TMEM223: variants seen among roughly 807,000 people sequenced by gnomAD.
TMEM223 encodes transmembrane protein 223.
A neutral mutation model predicts 14.1 loss-of-function variants in TMEM223; 14 were observed. The ratio of observed to expected loss-of-function variants is 0.99; its 90% CI spans 0.66 to 1.55. TMEM223 has a LOEUF of 1.55. Among genes scored for constraint, TMEM223 ranks in the 40% most tolerant of loss-of-function variants. The pLI, the probability that TMEM223 is intolerant of heterozygous loss-of-function variation, is 0.00. For synonymous variants in TMEM223, 145 were observed against 120.5 expected (o/e 1.20, Z -1.33); for missense variants, 346 against 269.9 (o/e 1.28, Z -1.97).
chr11:62,784,507 C>A (rs1334216520), downstream of TMEM223, among the ~76,000 whole-genome samples: 3 of 147,228 alleles, frequency 2.0e-5, no homozygotes, highest in East Asian at 2.1e-4. Context: ...AGCGTTTCAC[C>A]GTGTTAGCCA....
chr11:62,778,100 C>T (rs1324535305), intron 1 of TMEM223: 2 of 1,614,168 alleles, frequency 1.2e-6, no homozygotes, highest in Admixed American at 3.3e-5. Context: ...CCAACATCCC[C>T]AAAGGCTGTG....
chr11:62,789,197 G>A (rs750132097), downstream of TMEM223: 7 of 1,614,148 alleles, frequency 4.3e-6, no homozygotes, highest in South Asian at 4.4e-5. Flanking sequence ...CAGCTGCATC[G>A]AGGACTCCCA....
chr11:62,773,631 G>C (rs556920623), intron 2 of TMEM223, among the ~76,000 whole-genome samples: 7 of 151,948 alleles, frequency 4.6e-5, no homozygotes, highest in Non-Finnish European at 7.4e-5. Flanking sequence ...ATTTGTAGTA[G>C]AGATGGGGGT....
Position 62,791,883 on chromosome 11 carries a change from C to CCTTT in TMEM223, c.111_112insAAAG (p.Glu38LysfsTer4). ...GTGAAGAAGCGGCCCCGATCATGCT[C>CCTTT]AAAGAGCAGCACATCCCGTTGCAGC... On this transcript the variant is annotated frameshift_variant, in exon 1 of 2. Transcript: ENST00000307366. LOFTEE classifies it high-confidence loss of function. 6.3e-7 allele frequency: 1 copy of CCTTT among 1,597,684 alleles called. No homozygotes were observed. Among genetic ancestry groups the CCTTT allele is most frequent in the African/African-American group, 1.3e-5 (1 of 74,792 alleles).
At chr11:62,771,817 A>G (rs991640725) in exon 3 of TMEM223, 6 of 287,510 alleles carry the variant, frequency 2.1e-5, no homozygotes, top group Middle Eastern at 1.3e-3. Context: ...GTGTACGGTC[A>G]TATAATAGGG....
downstream of TMEM223, chr11:62,787,366 G>C (rs1220950530): frequency 2.0e-6 from 3 of 1,537,514 alleles, no homozygotes; most frequent in East Asian, 7.0e-5. Context: ...TTCGTGGGTC[G>C]CGCCGGATAA....
At chr11:62,788,057 A>G (rs867740407), downstream of TMEM223, 2 of 452,600 alleles carry the variant, frequency 4.4e-6, no homozygotes, top group Middle Eastern at 6.5e-4. Flanking sequence ...ACATGGGTTC[A>G]TTTAATGCCT....
chr11:62,780,824 C>T (rs1395478837), intron 1 of TMEM223, among the ~76,000 whole-genome samples: 1 of 150,674 alleles, frequency 6.6e-6, no homozygotes, highest in Non-Finnish European at 1.5e-5. Flanking sequence ...GTAATCCTAG[C>T]TACTTGCGAG....
At chr11:62,779,675 A>T (rs2084212966) in intron 1 of TMEM223, among the ~76,000 whole-genome samples, 1 of 149,716 alleles carries the variant, frequency 6.7e-6, no homozygotes. Flanking sequence ...TTAAAAAAAC[A>T]TTTTTTTTAA....
downstream of TMEM223, chr11:62,787,375 A>G (rs1470458981): frequency 2.6e-6 from 4 of 1,548,324 alleles, no homozygotes; most frequent in African/African-American, 2.8e-5. Flanking sequence ...CGCGCCGGAT[A>G]AGGTGGGCTT....
chr11:62,775,901 G>A (rs1226336493), intron 1 of TMEM223: 4 of 1,613,480 alleles, frequency 2.5e-6, no homozygotes, highest in Middle Eastern at 1.7e-4. Flanking sequence ...CGCAGAGGAC[G>A]TGTGCTATCG....
chr11:62,779,976 A>ATAT (rs1294367864), intron 1 of TMEM223, among the ~76,000 whole-genome samples: 36 of 52,614 alleles, frequency 6.8e-4, no homozygotes, highest in African/African-American at 2.1e-3. Flanking sequence ...ATATATATAT[A>ATAT]TTTTTTTTTT....
Position 62,789,977 on chromosome 11 carries a change from T to G in TMEM223, c.*646A>C, listed in dbSNP as rs2084339400. 6 of 1,614,156 alleles carry G rather than the reference T, an allele frequency of 3.7e-6. No individual in the cohort carries two copies. The highest frequency in any genetic ancestry group is 5.1e-6 in the Non-Finnish European group (6 of 1,180,016). The stretch of plus-strand genomic sequence containing the variant: ...TCTGAAGCCACCCCATACCGGCCTC[T>G]GGAGAGGGGTGACCCTGAGTGGAGC... On this transcript the variant is annotated 3_prime_UTR_variant, in exon 2 of 2. Coordinates refer to ENST00000307366, the MANE Select transcript of TMEM223 (RefSeq NM_001080501.3).
downstream of TMEM223, among the ~76,000 whole-genome samples, chr11:62,785,262 G>A (rs2084261862): frequency 6.6e-6 from 1 of 151,896 alleles, no homozygotes; most frequent in African/African-American, 2.4e-5. Context: ...CGCGACCTCG[G>A]CTCACTGCAA....
downstream of TMEM223, chr11:62,787,148 G>A (rs1419940163): frequency 1.3e-6 from 2 of 1,570,582 alleles, no homozygotes; most frequent in Admixed American, 3.6e-5. Context: ...AGGCGCTGCC[G>A]CGGGCGCCTT....
chr11:62,785,834 C>T (rs896036442), downstream of TMEM223, among the ~76,000 whole-genome samples: 3 of 152,236 alleles, frequency 2.0e-5, no homozygotes, highest in Admixed American at 2.0e-4. Context: ...AGCGCCTGTC[C>T]AATCACAGGA....
Position 62,790,373 on chromosome 11 carries a change from G to A in TMEM223, c.*250C>T, listed in dbSNP as rs1186359840. The A allele has an allele frequency of 1.8e-6, 1 of 550,438 alleles. No individual in the cohort carries two copies. Among genetic ancestry groups the A allele is most frequent in the East Asian group, 3.0e-5 (1 of 32,792 alleles). 34.1% of individuals were successfully genotyped at this position (550,438 alleles called of 1,614,324 possible). A position where few individuals can be genotyped will look rare whatever the true frequency, so the allele number is the denominator to read the frequency against. ...AGGGATGACTGCTCCTTTATTTGTT[G>A]TTAATGAATCTTGACCTCCTTGTGT... On this transcript the variant is annotated 3_prime_UTR_variant, in exon 2 of 2. Transcript: ENST00000307366.
downstream of TMEM223, among the ~76,000 whole-genome samples, chr11:62,788,774 G>A (rs1397919643): frequency 6.6e-6 from 1 of 151,442 alleles, no homozygotes; most frequent in African/African-American, 2.4e-5. Flanking sequence ...ACCATAACTT[G>A]TGAGGCTTCT....
At chr11:62,775,888 G>T in intron 1 of TMEM223, 1 of 1,613,970 alleles carries the variant, frequency 6.2e-7, no homozygotes, top group South Asian at 1.1e-5. Flanking sequence ...TGGCGGCGCT[G>T]CTCGCAGAGG....
Sources: gnomAD v4.1 joint callset for allele counts (sites outside exome capture counted in the v4.1 genomes callset) on GRCh38, gnomAD v4.1.1 for gene constraint, MANE v1.5 for transcripts, NCBI Gene and HGNC (gene_info 2026-07-23, HGNC 2026-07-21) for gene names.